The following LMBR1 variants were observed in gnomAD, a reference collection of about 807,000 sequenced individuals.
LMBR1 encodes the protein limb region 1 protein homolog.
In LMBR1, 52 loss-of-function variants were observed where a neutral mutation model predicts 73.9. The ratio of observed to expected loss-of-function variants is 0.70; its 90% CI spans 0.56 to 0.89. The LOEUF (loss-of-function observed/expected upper bound fraction) is 0.89, where lower values mean the gene tolerates loss of function less well. Among genes scored for constraint, LMBR1 ranks in the 40% least tolerant of loss-of-function variants. The pLI, the probability that LMBR1 is intolerant of heterozygous loss-of-function variation, is 0.00. For missense variants in LMBR1, 539 were observed against 579.8 expected, an observed-to-expected ratio of 0.93 and a Z score of 0.72; for synonymous variants, 215 against 209.4, an observed-to-expected ratio of 1.03 and a Z score of -0.23.
At chr7:156,728,751 G>A in intron 10 of LMBR1, 31 bp from the exon 11 acceptor site, 1 of 1,453,064 alleles carries the variant, frequency 6.9e-7, no homozygotes. Flanking sequence ...ATAAAACAAA[G>A]TTTTCTCCAA....
Position 156,699,493 on chromosome 7 carries a change from G to A in LMBR1, c.1226-11302C>T, listed in dbSNP as rs1018427937. On this transcript the variant is annotated intron_variant, in intron 15 of 16. Transcript: ENST00000353442. Reference sequence around the variant, plus strand: ...GCAATACCATTCAGGACATAGGCACGGGCAAGGAATTCATGTCTAAAACAC... The same window carrying A: ...GCAATACCATTCAGGACATAGGCACAGGCAAGGAATTCATGTCTAAAACAC... 1.3e-4 allele frequency among the ~76,000 whole-genome samples: 19 copies of A among 151,738 alleles called. 1 individual carries two copies. Among genetic ancestry groups the A allele is most frequent in the Middle Eastern group, 6.8e-3 (2 of 294 alleles).
chr7:156,673,792 C>T (rs552972969), downstream of LMBR1, among the ~76,000 whole-genome samples: 8 of 151,978 alleles, frequency 5.3e-5, no homozygotes, highest in Non-Finnish European at 4.4e-5. Flanking sequence ...CGCTGTCTCA[C>T]GATCTTTTTG....
At chr7:156,750,741 G>C (rs1820723739) in intron 9 of LMBR1, among the ~76,000 whole-genome samples, 1 of 152,212 alleles carries the variant, frequency 6.6e-6, no homozygotes, top group East Asian at 1.9e-4. Flanking sequence ...ATAGAATCAG[G>C]GTACAGAGGG....
At chr7:156,815,233 C>T (rs1833731817) in intron 4 of LMBR1, among the ~76,000 whole-genome samples, 1 of 143,480 alleles carries the variant, frequency 7.0e-6, no homozygotes, top group Non-Finnish European at 1.5e-5. Context: ...ATAACAACAA[C>T]AAAATGATGC....
intron 15 of LMBR1, among the ~76,000 whole-genome samples, chr7:156,723,908 T>TA (rs1227122777): frequency 1.3e-5 from 2 of 152,136 alleles, no homozygotes; most frequent in African/African-American, 4.8e-5. Flanking sequence ...TTTAAGTGTT[T>TA]AAAAAATAAG....
chr7:156,781,785 C>T lies in LMBR1; in HGVS notation c.423+14604G>A, dbSNP rs60286901. Reference sequence around the variant, plus strand: ...ACCCACAGGTAACCACAAAACACTGCCATGTTTATCATCCATTTGCGTTTT... The same window carrying T: ...ACCCACAGGTAACCACAAAACACTGTCATGTTTATCATCCATTTGCGTTTT... On this transcript the variant is annotated intron_variant, in intron 5 of 16. Transcript: ENST00000353442. 1.1e-3 allele frequency among the ~76,000 whole-genome samples: 163 copies of T among 152,306 alleles called. 2 individuals carry two copies. Among genetic ancestry groups the T allele is most frequent in the African/African-American group, 3.8e-3 (159 of 41,564 alleles).
intron 1 of LMBR1, 49 bp from the exon 2 acceptor site, chr7:156,836,934 T>C: frequency 1.7e-6 from 2 of 1,155,302 alleles, no homozygotes; most frequent in South Asian, 2.9e-5. Flanking sequence ...GCATATCTTT[T>C]TTAAATACTA....
At chr7:156,813,055 C>T (rs1397239952) in intron 4 of LMBR1, among the ~76,000 whole-genome samples, 2 of 152,202 alleles carry the variant, frequency 1.3e-5, no homozygotes, top group African/African-American at 2.4e-5. Flanking sequence ...CTTAGCCAGA[C>T]TATTTAGCTT....
intron 9 of LMBR1, among the ~76,000 whole-genome samples, chr7:156,751,579 T>C (rs1323997284): frequency 1.3e-5 from 2 of 149,222 alleles, no homozygotes; most frequent in Non-Finnish European, 2.9e-5. Context: ...CCAAGACAGA[T>C]ACGCACGGAA....
chr7:156,791,862 T>C (rs937140642), intron 5 of LMBR1, among the ~76,000 whole-genome samples: 1 of 152,212 alleles, frequency 6.6e-6, no homozygotes, highest in African/African-American at 2.4e-5. Context: ...AAATCAAACA[T>C]AGGCATTAAA....
intron 15 of LMBR1, among the ~76,000 whole-genome samples, chr7:156,719,907 G>C (rs1391564344): frequency 6.6e-6 from 1 of 151,520 alleles, no homozygotes; most frequent in Non-Finnish European, 1.5e-5. Context: ...GCCATATGTA[G>C]AAAGCTGAAA....
chr7:156,854,444 T>C lies in LMBR1; in HGVS notation c.67-17559A>G, dbSNP rs940831159. Among the ~76,000 whole-genome samples, 20 of 152,146 alleles carry C rather than the reference T, an allele frequency of 1.3e-4. 1 individual carries two copies. The highest frequency in any genetic ancestry group is 2.6e-4 in the Non-Finnish European group (18 of 67,990). On this transcript the variant is annotated intron_variant, in intron 1 of 16. Coordinates refer to ENST00000353442, the MANE Select transcript of LMBR1 (RefSeq NM_022458.4). ...ATTAGGGAAACTGTTAATTAAAAAA[T>C]AATAATAAAAAAATAAAATCCCTTC...
At chr7:156,821,786 C>CCCCT (rs60413339) in intron 4 of LMBR1, among the ~76,000 whole-genome samples, 36,840 of 151,912 alleles carry the variant, frequency 0.24, 4,969 homozygotes, top group East Asian at 0.42. Context: ...TCCCCAGCCA[C>CCCCT]CCCTGTCATT....
chr7:156,881,237 C>A (rs773676404), intron 1 of LMBR1, among the ~76,000 whole-genome samples: 1 of 152,054 alleles, frequency 6.6e-6, no homozygotes, highest in East Asian at 1.9e-4. Context: ...TAATACACAA[C>A]GGGGAAAGAA....
At chr7:156,710,798 A>G (rs537207162) in intron 15 of LMBR1, among the ~76,000 whole-genome samples, 1 of 152,334 alleles carries the variant, frequency 6.6e-6, no homozygotes, top group Admixed American at 6.5e-5. Flanking sequence ...ATAAAGGAAA[A>G]TCTATCAGAT....
chr7:156,725,456 T>C lies in LMBR1; in HGVS notation c.1137A>G (p.Lys379=). 1 of 1,609,080 alleles carries C rather than the reference T, an allele frequency of 6.2e-7. No homozygotes were observed. The highest frequency in any genetic ancestry group is 8.5e-7 in the Non-Finnish European group (1 of 1,176,458). Residue 379 remains lysine, a synonymous_variant, in exon 14 of 17, where the codon AAA becomes AAG. Coordinates refer to ENST00000353442, the MANE Select transcript of LMBR1 (RefSeq NM_022458.4). ...TTACCTTTGTCATAGTTGTGTCATC[T>C]TTCTTGGGAGTAAAGTTTCCAAAAA... is the stretch of plus-strand genomic sequence containing the variant. ...LRFFGNFTPK[K]DDTTMTKIIG...
At chr7:156,878,252 G>A (rs1800514326) in intron 1 of LMBR1, among the ~76,000 whole-genome samples, 1 of 152,172 alleles carries the variant, frequency 6.6e-6, no homozygotes, top group South Asian at 2.1e-4. Flanking sequence ...TGGTAAAGAG[G>A]AAATCAAACT....
At chr7:156,784,817 A>G (rs1223127331) in intron 5 of LMBR1, among the ~76,000 whole-genome samples, 1 of 152,152 alleles carries the variant, frequency 6.6e-6, no homozygotes, top group Non-Finnish European at 1.5e-5. Flanking sequence ...TAGGCAGTGG[A>G]AAGTCAGTCA....
At position 156,669,113 on chromosome 7, in the gene LMBR1, T is replaced by G. The variant is rs903070238; in HGVS notation, n.1041A>C. On this transcript the variant is annotated non_coding_transcript_exon_variant, in exon 5 of 5. Transcript: ENST00000430825. The surrounding 1 kb of genome is among the most constrained non-coding windows in gnomAD (Gnocchi z 4.2). ...GCGAACTGCTTTCATGGACTGGCACTTGGAGTTGTGTACTTTGTGAGCCTT... is the reference window on the plus strand; with the variant it reads ...GCGAACTGCTTTCATGGACTGGCACGTGGAGTTGTGTACTTTGTGAGCCTT... The G allele has an allele frequency of 1.3e-5, 2 of 152,180 alleles. No homozygotes were observed. Among genetic ancestry groups the G allele is most frequent in the African/African-American group, 4.8e-5 (2 of 41,442 alleles). 9.4% of individuals were successfully genotyped at this position (152,180 alleles called of 1,614,324 possible). A position where few individuals can be genotyped will look rare whatever the true frequency, so the allele number is the denominator to read the frequency against.
Sources: allele counts gnomAD v4.1 joint callset (sites outside exome capture counted in the v4.1 genomes callset), GRCh38; gene constraint gnomAD v4.1.1; non-coding constraint Gnocchi (gnomAD v3.1); transcripts MANE v1.5; gene names NCBI Gene and HGNC (gene_info 2026-07-23, HGNC 2026-07-21).